Variants in CSMD1 observed in about 807,000 individuals in gnomAD.
CSMD1 encodes CUB and sushi domain-containing protein 1.
A neutral mutation model predicts 417.5 loss-of-function variants in CSMD1; 213 were observed. That is an observed-to-expected ratio of 0.51 (90% CI 0.46 to 0.57). The LOEUF (loss-of-function observed/expected upper bound fraction) is 0.57. Among genes scored for constraint, CSMD1 ranks in the 20% least tolerant of loss-of-function variants. The pLI is 0.00. For missense variants in CSMD1, 6,923 were observed against 4,529.7 expected (o/e 1.53, Z -15.17); for synonymous variants, 2,862 against 1,736.8 (o/e 1.65, Z -16.11).
At position 2,938,655 on chromosome 8, in the gene CSMD1, T is replaced by C; in HGVS notation, c.10625A>G (p.Asn3542Ser). 5 of 1,611,840 alleles carry C rather than the reference T, an allele frequency of 3.1e-6. No homozygotes were observed. In the South Asian group the frequency reaches 5.5e-5, roughly 18 times the overall value. ...ASFENPMYDT[N>S]LKPTEAKAVR... Reference sequence around the variant, plus strand: ...AGCCTTGGCTTCTGTGGGTTTTAAGTTTGTATCATACATGGGGTTTTCAAA... The same window carrying C: ...AGCCTTGGCTTCTGTGGGTTTTAAGCTTGTATCATACATGGGGTTTTCAAA... The change falls in exon 70 of 70, where the codon AAC becomes AGC. Residue 3542 changes from asparagine (N) to serine (S), a missense_variant. Asn to Ser is a conservative substitution (Grantham distance 46). Coordinates refer to ENST00000635120, the MANE Select transcript of CSMD1 (RefSeq NM_033225.6).
intron 3 of CSMD1, among the ~76,000 whole-genome samples, chr8:4,375,266 C>G (rs962357718): frequency 6.6e-5 from 10 of 152,128 alleles, no homozygotes; most frequent in South Asian, 2.1e-4. Flanking sequence ...TGTCCATAAA[C>G]AGACTTCAGG....
chr8:4,780,544 G>C (rs1797101712), intron 1 of CSMD1, among the ~76,000 whole-genome samples: 1 of 151,932 alleles, frequency 6.6e-6, no homozygotes, highest in Admixed American at 6.6e-5. Flanking sequence ...TTGTGCCCAA[G>C]GTCCTATTGT....
At chr8:3,911,078 A>T (rs1386973247) in intron 5 of CSMD1, among the ~76,000 whole-genome samples, 1 of 152,156 alleles carries the variant, frequency 6.6e-6, no homozygotes, top group Non-Finnish European at 1.5e-5. Flanking sequence ...ATGACCAGAA[A>T]ATTCTGTCAA....
chr8:3,631,895 G>C (rs1353535141), intron 7 of CSMD1, among the ~76,000 whole-genome samples: 1 of 152,156 alleles, frequency 6.6e-6, no homozygotes, highest in African/African-American at 2.4e-5. Flanking sequence ...ACTTTATGCA[G>C]AGTAGACTGA....
intron 4 of CSMD1, among the ~76,000 whole-genome samples, chr8:4,000,118 G>T (rs1448765771): frequency 6.7e-6 from 1 of 148,638 alleles, no homozygotes; most frequent in African/African-American, 2.5e-5. Flanking sequence ...CCCTCCGTGG[G>T]CACCACTGTG....
At chr8:4,437,253 C>T (rs1798200324) in intron 2 of CSMD1, among the ~76,000 whole-genome samples, 1 of 151,970 alleles carries the variant, frequency 6.6e-6, no homozygotes, top group Non-Finnish European at 1.5e-5. Flanking sequence ...TGAAATTAGG[C>T]AGTAGAGAAA....
chr8:4,387,576 A>AC (rs1197703064), intron 3 of CSMD1, among the ~76,000 whole-genome samples: 1 of 142,760 alleles, frequency 7.0e-6, no homozygotes, highest in Admixed American at 6.8e-5. Flanking sequence ...CTGGCAAAAA[A>AC]AAAAAAAAAA....
intron 12 of CSMD1, among the ~76,000 whole-genome samples, chr8:3,411,583 A>T (rs1812703720): frequency 1.3e-5 from 2 of 151,228 alleles, no homozygotes. Context: ...TTAGAATAAT[A>T]GTCTCCAATC....
chr8:4,083,538 A>G (rs1800255500), intron 3 of CSMD1, among the ~76,000 whole-genome samples: 1 of 152,212 alleles, frequency 6.6e-6, no homozygotes. Flanking sequence ...ATAATGCCGC[A>G]TATTTACAAC....
intron 5 of CSMD1, among the ~76,000 whole-genome samples, chr8:3,908,319 A>T (rs1200445124): frequency 1.3e-5 from 2 of 152,230 alleles, no homozygotes. Flanking sequence ...AAATGTGAAG[A>T]TTTCAACAAA....
intron 1 of CSMD1, among the ~76,000 whole-genome samples, chr8:4,896,501 C>T (rs1037254994): frequency 6.6e-6 from 1 of 152,036 alleles, no homozygotes; most frequent in African/African-American, 2.4e-5. Flanking sequence ...AAATTTTTAT[C>T]TTATGTTGTC....
chr8:3,914,822 T>G (rs574513718), intron 5 of CSMD1, among the ~76,000 whole-genome samples: 4 of 152,258 alleles, frequency 2.6e-5, no homozygotes, highest in South Asian at 2.1e-4. Flanking sequence ...CTCTACTGAG[T>G]GTCCTTATGC....
chr8:4,170,445 C>A (rs968227328), intron 3 of CSMD1, among the ~76,000 whole-genome samples: 3 of 151,886 alleles, frequency 2.0e-5, no homozygotes, highest in African/African-American at 7.3e-5. Context: ...CAAATACTTC[C>A]CCTTTTTCCT....
In CSMD1 at chr8:4,320,089, A is replaced by G. The variant is rs746323738; in HGVS notation, c.415+99864T>C. On this transcript the variant is annotated intron_variant, in intron 3 of 69. Coordinates refer to ENST00000635120, the MANE Select transcript of CSMD1 (RefSeq NM_033225.6). ...GTTGGTTTTACCCAACAAACATTACATGTTCAAAAAAATCCAACCCTTTGC... is the reference window on the plus strand; with the variant it reads ...GTTGGTTTTACCCAACAAACATTACGTGTTCAAAAAAATCCAACCCTTTGC... Among the ~76,000 whole-genome samples the G allele has an allele frequency of 1.1e-4, 16 of 152,362 alleles. No homozygotes were observed. In the East Asian group the frequency reaches 2.3e-3, roughly 22 times the overall value.
intron 36 of CSMD1, among the ~76,000 whole-genome samples, chr8:3,185,410 T>C (rs993232823): frequency 6.6e-6 from 1 of 152,218 alleles, no homozygotes; most frequent in Non-Finnish European, 1.5e-5. Flanking sequence ...CTTTGGCTAA[T>C]CCATCATGCA....
chr8:3,835,784 G>T (rs1802658289), intron 5 of CSMD1, among the ~76,000 whole-genome samples: 1 of 151,626 alleles, frequency 6.6e-6, no homozygotes, highest in Admixed American at 6.6e-5. Context: ...CTAACTCTGG[G>T]TGATTGTGTG....
intron 2 of CSMD1, among the ~76,000 whole-genome samples, chr8:4,475,868 C>T (rs1161364298): frequency 6.6e-6 from 1 of 152,110 alleles, no homozygotes; most frequent in Non-Finnish European, 1.5e-5. Context: ...CTGCCTTACG[C>T]TCCGAAAGTG....
chr8:4,143,332 C>A (rs1428976135), intron 3 of CSMD1, among the ~76,000 whole-genome samples: 1 of 146,980 alleles, frequency 6.8e-6, no homozygotes. Context: ...TTCTTCAAAT[C>A]TGATTCATGG....
chr8:4,963,777 T>C (rs1809673326), intron 1 of CSMD1, among the ~76,000 whole-genome samples: 1 of 152,194 alleles, frequency 6.6e-6, no homozygotes, highest in Admixed American at 6.5e-5. Context: ...ATGACTTTCA[T>C]GGCAACGTCA....
Sources: gnomAD v4.1 joint callset for allele counts (sites outside exome capture counted in the v4.1 genomes callset) on GRCh38, gnomAD v4.1.1 for gene constraint, MANE v1.5 for transcripts, NCBI Gene and HGNC (gene_info 2026-07-23, HGNC 2026-07-21) for gene names.